Variants in PPP1R14C observed in about 807,000 individuals in gnomAD.
PPP1R14C encodes the protein protein phosphatase 1 regulatory inhibitor subunit 14C, also known as protein phosphatase 1 regulatory subunit 14C.
Under a neutral mutation model 20.4 loss-of-function variants are expected in PPP1R14C, and 16 were observed. The ratio of observed to expected loss-of-function variants is 0.78; its 90% confidence interval spans 0.53 to 1.19. PPP1R14C has a LOEUF of 1.19. Among genes scored for constraint, PPP1R14C ranks in the 50% most tolerant of loss-of-function variants. PPP1R14C has a pLI of 0.00. For missense variants in PPP1R14C, 211 were observed against 220.1 expected (o/e 0.96, Z 0.26); for synonymous variants, 91 against 91.0 (o/e 1.00, Z 0.00).
chr6:150,245,545 A>T (rs1030871610), intron 3 of PPP1R14C, among the ~76,000 whole-genome samples: 10 of 152,222 alleles, frequency 6.6e-5, no homozygotes, highest in African/African-American at 2.4e-4. Flanking sequence ...GCTGTGACCT[A>T]GGCCCGCCAG....
At chr6:150,182,809 T>A (rs528016090) in intron 1 of PPP1R14C, among the ~76,000 whole-genome samples, 58 of 152,320 alleles carry the variant, frequency 3.8e-4, no homozygotes, top group African/African-American at 1.3e-3. Context: ...ACTTTGTTGA[T>A]GTGTGAACAT....
At chr6:150,200,901 C>T (rs951905218) in intron 1 of PPP1R14C, among the ~76,000 whole-genome samples, 3 of 152,128 alleles carry the variant, frequency 2.0e-5, no homozygotes, top group Non-Finnish European at 4.4e-5. Flanking sequence ...GATACCAGGG[C>T]TTGAATGTGT....
chr6:150,168,778 ATAAT>A (rs1341149778), intron 1 of PPP1R14C, among the ~76,000 whole-genome samples: 1 of 152,230 alleles, frequency 6.6e-6, no homozygotes, highest in Non-Finnish European at 1.5e-5. Flanking sequence ...ACTTTATTAT[ATAAT>A]TACTCTTCTT....
At chr6:150,180,137 G>A (rs1485389793) in intron 1 of PPP1R14C, among the ~76,000 whole-genome samples, 1 of 152,210 alleles carries the variant, frequency 6.6e-6, no homozygotes, top group African/African-American at 2.4e-5. Context: ...GGGATCTGAA[G>A]GTTGCAGTGA....
chr6:150,220,380 G>A (rs1778151782), intron 3 of PPP1R14C, among the ~76,000 whole-genome samples: 1 of 152,200 alleles, frequency 6.6e-6, no homozygotes, highest in Non-Finnish European at 1.5e-5. Flanking sequence ...GAGAAGGCAG[G>A]AGACTTTACC....
chr6:150,174,019 C>G (rs1212745252), intron 1 of PPP1R14C, among the ~76,000 whole-genome samples: 2 of 149,670 alleles, frequency 1.3e-5, no homozygotes, highest in Admixed American at 6.7e-5. Context: ...TCTCCCTCCC[C>G]CCCACCCCCG....
intron 1 of PPP1R14C, among the ~76,000 whole-genome samples, chr6:150,190,558 C>G (rs1480669680): frequency 6.6e-6 from 1 of 152,024 alleles, no homozygotes; most frequent in Non-Finnish European, 1.5e-5. Context: ...TCCCAAGTAG[C>G]TGGGACTACA....
chr6:150,154,238 G>A (rs1777281285), intron 1 of PPP1R14C, among the ~76,000 whole-genome samples: 1 of 152,228 alleles, frequency 6.6e-6, no homozygotes, highest in Non-Finnish European at 1.5e-5. Flanking sequence ...GTAAGAGAAA[G>A]TAATCTCTTA....
chr6:150,207,988 G>C (rs1284120033), intron 1 of PPP1R14C, among the ~76,000 whole-genome samples: 1 of 152,058 alleles, frequency 6.6e-6, no homozygotes, highest in Non-Finnish European at 1.5e-5. Flanking sequence ...GCAGGCAAGC[G>C]CTTGAAAAAA....
rs575682324 is a variant in PPP1R14C at position 150,198,914 on chromosome 6, A to ACATAGC, written c.307-15827_307-15822dup. Among the ~76,000 whole-genome samples the ACATAGC allele has an allele frequency of 2.6e-4, 40 of 152,340 alleles. 1 individual carries two copies. The South Asian group carries it at 8.1e-3, about 31-fold the overall frequency. On this transcript the variant is annotated intron_variant, in intron 1 of 3. Coordinates refer to ENST00000361131, the MANE Select transcript of PPP1R14C (RefSeq NM_030949.3). ...CAGTGCCCTGCCTGCAGTAGGGGTA[A>ACATAGC]CATAGCCAGGAAGCACAGCATGCAC...
chr6:150,218,226 AC>A (rs1406589435), intron 3 of PPP1R14C, among the ~76,000 whole-genome samples: 2 of 151,956 alleles, frequency 1.3e-5, no homozygotes, highest in African/African-American at 4.8e-5. Context: ...ACACGGTGAA[AC>A]CCCGTCTCTA....
At chr6:150,164,065 C>T (rs537706582) in intron 1 of PPP1R14C, among the ~76,000 whole-genome samples, 20 of 152,206 alleles carry the variant, frequency 1.3e-4, no homozygotes, top group African/African-American at 3.1e-4. Flanking sequence ...TTCATTTAGC[C>T]GTCTGTTATG....
intron 1 of PPP1R14C, among the ~76,000 whole-genome samples, chr6:150,200,985 A>G (rs1582915371): frequency 6.6e-6 from 1 of 152,198 alleles, no homozygotes; most frequent in South Asian, 2.1e-4. Context: ...GGAAGTCAAA[A>G]GGGAGAAATC....
chr6:150,224,204 C>T (rs547102332), intron 3 of PPP1R14C, among the ~76,000 whole-genome samples: 6 of 152,310 alleles, frequency 3.9e-5, no homozygotes, highest in South Asian at 4.1e-4. Context: ...CAATTATCTA[C>T]GTGTCCATTC....
chr6:150,215,029 A>G (rs139332356), intron 2 of PPP1R14C, among the ~76,000 whole-genome samples: 1 of 152,324 alleles, frequency 6.6e-6, no homozygotes, highest in Non-Finnish European at 1.5e-5. Flanking sequence ...GCCCTTGACT[A>G]TAGTCCATTT....
At chr6:150,175,476 T>C (rs988937416) in intron 1 of PPP1R14C, among the ~76,000 whole-genome samples, 25 of 152,214 alleles carry the variant, frequency 1.6e-4, no homozygotes, top group African/African-American at 6.0e-4. Context: ...TCTGTTAATA[T>C]TGTGAGTCCT....
Position 150,143,271 on chromosome 6 carries a change from C to A in PPP1R14C, c.79C>A (p.Arg27=), listed in dbSNP as rs1375354212. 1.3e-6 allele frequency: 2 copies of A among 1,513,400 alleles called. No individual in the cohort carries two copies. Among genetic ancestry groups the A allele is most frequent in the African/African-American group, 1.4e-5 (1 of 69,172 alleles). The allele number at this position is 1,513,400 out of a possible 1,614,324, so 93.7% of individuals were successfully genotyped here. A position where few individuals can be genotyped will look rare whatever the true frequency, so the allele number is the denominator to read the frequency against. The change falls in exon 1 of 4, where the codon CGG becomes AGG. Residue 27 remains arginine (R), a synonymous_variant. Coordinates refer to ENST00000361131, the MANE Select transcript of PPP1R14C (RefSeq NM_030949.3). The surrounding 1 kb of genome is among the most constrained non-coding windows in gnomAD (Gnocchi z 5.6). Reference sequence around the variant, plus strand: ...CGCACGGGTTTTCTTCCAAAGCCCCCGGGGTGGCGCCGGTGGCAGCCCCGG... The same window carrying A: ...CGCACGGGTTTTCTTCCAAAGCCCCAGGGGTGGCGCCGGTGGCAGCCCCGG... ...GGARVFFQSP[R]GGAGGSPGSS...
chr6:150,195,189 A>G (rs1482519081), intron 1 of PPP1R14C: 3 of 982,556 alleles, frequency 3.1e-6, no homozygotes, highest in African/African-American at 1.7e-5. Flanking sequence ...AGCATTTTAC[A>G]TGGCAGAGAG....
intron 1 of PPP1R14C, among the ~76,000 whole-genome samples, chr6:150,170,317 C>CTT (rs540768379): frequency 2.4e-4 from 34 of 142,910 alleles, no homozygotes; most frequent in East Asian, 6.1e-4. Context: ...GTGCTAGTTA[C>CTT]TTTTTTTTTT....
Sources: gnomAD v4.1 joint callset for allele counts (sites outside exome capture counted in the v4.1 genomes callset) on GRCh38, gnomAD v4.1.1 for gene constraint, Gnocchi (gnomAD v3.1) non-coding constraint, MANE v1.5 for transcripts, NCBI Gene and HGNC (gene_info 2026-07-23, HGNC 2026-07-21) for gene names.